The following XPNPEP2 variants were observed in gnomAD, a reference collection of about 807,000 sequenced individuals.
XPNPEP2 encodes the protein X-prolyl aminopeptidase 2.
Under a neutral mutation model 59.8 loss-of-function variants are expected in XPNPEP2, and 64 were observed. The ratio of observed to expected loss-of-function variants is 1.07; its 90% CI spans 0.87 to 1.32. XPNPEP2 has a LOEUF of 1.32. Among genes scored for constraint, XPNPEP2 ranks in the 40% most tolerant of loss-of-function variants. The pLI is 0.00. For synonymous variants in XPNPEP2, 235 were observed against 210.0 expected (o/e 1.12, Z -1.03); for missense variants, 575 against 546.8 (o/e 1.05, Z -0.51).
chrX:129,767,583 C>T lies in XPNPEP2; in HGVS notation c.1741-20C>T. On this transcript the variant is annotated intron_variant, in intron 19 of 20. Transcript: ENST00000371106. ...CTCCCTCACTGTCCTGCTTACCCGG[C>T]TTCTATTCTGGGCTCCCAGTACCCA... 8.3e-7 allele frequency: 1 copy of T among 1,206,944 alleles called. No individual in the cohort carries two copies. Among genetic ancestry groups the T allele is most frequent in the Non-Finnish European group, 1.1e-6 (1 of 891,136 alleles).
intron 19 of XPNPEP2, among the ~76,000 whole-genome samples, chrX:129,766,024 T>C (rs1474484145): frequency 8.9e-6 from 1 of 112,224 alleles, no homozygotes; most frequent in Non-Finnish European, 1.9e-5. Flanking sequence ...CTTTTTCATG[T>C]CCTTTGCCTT....
intron 13 of XPNPEP2, among the ~76,000 whole-genome samples, chrX:129,756,160 A>G (rs1401639645): frequency 1.8e-5 from 2 of 112,427 alleles, no homozygotes; most frequent in African/African-American, 6.5e-5. Context: ...CTTGGCCTCC[A>G]TAGGCCTGCT....
rs145863043 is a variant in XPNPEP2, at chrX:129,756,487, G to A, written c.1299G>A (p.Pro433=). The A allele has an allele frequency of 4.3e-5, 52 of 1,209,212 alleles. No homozygotes were observed. Among genetic ancestry groups the A allele is most frequent in the East Asian group, 8.9e-5 (3 of 33,727 alleles). The part of the protein sequence containing the change: ...GLNAALAHYS[P]TKELNRKLSS... ...CAACATTCTCTCCCCTTCTCAGCCC[G>A]ACCAAGGAGCTGAACCGCAAGCTGT... Residue 433 remains proline, a synonymous_variant, in exon 14 of 21, where the codon CCG becomes CCA. Transcript: ENST00000371106.
intron 3 of XPNPEP2, 76 bp downstream of exon 3, chrX:129,744,147 T>C: frequency 3.2e-6 from 3 of 929,523 alleles, no homozygotes; most frequent in Non-Finnish European, 4.6e-6. Context: ...CTGTTAAAAC[T>C]CAGAAGATGA....
chrX:129,768,744 A>T lies in XPNPEP2; in HGVS notation c.*259A>T, dbSNP rs1490345484. 3.7e-6 allele frequency: 1 copy of T among 272,856 alleles called. No individual in the cohort carries two copies. Among genetic ancestry groups the T allele is most frequent in the East Asian group, 5.6e-5 (1 of 17,701 alleles). 22.5% of individuals were successfully genotyped at this position (272,856 alleles called of 1,213,427 possible). A position where few individuals can be genotyped will look rare whatever the true frequency, so the allele number is the denominator to read the frequency against. On this transcript the variant is annotated 3_prime_UTR_variant, in exon 21 of 21. Coordinates refer to ENST00000371106, the MANE Select transcript of XPNPEP2 (RefSeq NM_003399.6). ...GGCCCCTAATCCCAGGCCCCGAGAT[A>T]GGAAAGCCAGCTAGTCTCTTCTCTT...
intron 2 of XPNPEP2, among the ~76,000 whole-genome samples, chrX:129,743,610 A>G (rs937202192): frequency 8.9e-6 from 1 of 112,444 alleles, no homozygotes; most frequent in Admixed American, 9.3e-5. Flanking sequence ...ACCCCCAGGT[A>G]GCCAAAGAAG....
chrX:129,754,564 C>T lies in XPNPEP2; in HGVS notation c.1200C>T (p.Ile400=), dbSNP rs768702426. The change falls in exon 12 of 21, where the codon ATC becomes ATT. Residue 400 remains isoleucine (I), a synonymous_variant. Transcript: ENST00000371106. ...TGGATGAGTTCTCGGGGGCAGAGATCGTGGACAAGTTCCGAGGGTGAAGAG... is the reference window on the plus strand; with the variant it reads ...TGGATGAGTTCTCGGGGGCAGAGATTGTGGACAAGTTCCGAGGGTGAAGAG... ...GTVDEFSGAE[I]VDKFRGEEQF... is the part of the protein sequence containing the mutation. 1.1e-5 allele frequency: 13 copies of T among 1,184,959 alleles called. No individual in the cohort carries two copies. Among genetic ancestry groups the T allele is most frequent in the East Asian group, 3.1e-5 (1 of 32,603 alleles).
At chrX:129,756,161 T>A (rs1362924390) in intron 13 of XPNPEP2, among the ~76,000 whole-genome samples, 1 of 112,477 alleles carries the variant, frequency 8.9e-6, no homozygotes, top group African/African-American at 3.2e-5. Flanking sequence ...TTGGCCTCCA[T>A]AGGCCTGCTT....
chrX:129,744,567 C>T (rs1166164469), intron 3 of XPNPEP2, among the ~76,000 whole-genome samples: 1 of 111,999 alleles, frequency 8.9e-6, no homozygotes, highest in Non-Finnish European at 1.9e-5. Flanking sequence ...TCCACACCAT[C>T]CACCTTTCCA....
chrX:129,748,900 G>A (rs185407351), intron 7 of XPNPEP2, among the ~76,000 whole-genome samples: 11 of 111,567 alleles, frequency 9.9e-5, no homozygotes, highest in Non-Finnish European at 1.5e-4. Context: ...CCTGGAGCTT[G>A]AGTTTGGAAG....
chrX:129,758,680 G>A (rs1301245076), intron 14 of XPNPEP2, among the ~76,000 whole-genome samples: 1 of 112,373 alleles, frequency 8.9e-6, no homozygotes, highest in Admixed American at 9.4e-5. Context: ...GGCCTCATCT[G>A]TGAACTGGGG....
intron 14 of XPNPEP2, 38 bp downstream of exon 14, chrX:129,756,593 G>C: frequency 2.6e-6 from 3 of 1,172,399 alleles, no homozygotes; most frequent in Non-Finnish European, 3.5e-6. Flanking sequence ...GGATGTCTCT[G>C]CTCAGACCTC....
rs141742526 is a variant in XPNPEP2, at chrX:129,767,803, G to A, written c.1830+111G>A. The A allele has an allele frequency of 3.2e-5, 25 of 771,696 alleles. No homozygotes were observed. The East Asian group carries it at 7.7e-4, about 24-fold the overall frequency. The allele number at this position is 771,696 out of a possible 1,213,427, so 63.6% of individuals were successfully genotyped here. ...CTCCTCCAGGAGGGTCCACACTGGT[G>A]GCACCTGCAGACACACACTGGGGCA... On this transcript the variant is annotated intron_variant, in intron 20 of 20. Transcript: ENST00000371106.
intron 18 of XPNPEP2, among the ~76,000 whole-genome samples, chrX:129,762,347 A>G (rs1190427396): frequency 8.9e-6 from 1 of 111,970 alleles, no homozygotes; most frequent in Non-Finnish European, 1.9e-5. Context: ...CCGTAGACCC[A>G]GCTGTATATT....
chrX:129,756,085 C>G (rs1158315322), intron 13 of XPNPEP2, among the ~76,000 whole-genome samples: 1 of 112,505 alleles, frequency 8.9e-6, no homozygotes, highest in Non-Finnish European at 1.9e-5. Context: ...GACAAAGGGC[C>G]GGAGGGAGCA....
chrX:129,747,707 A>T lies in XPNPEP2; in HGVS notation c.591A>T (p.Pro197=). The T allele has an allele frequency of 1.7e-6, 2 of 1,211,998 alleles. No homozygotes were observed. The highest frequency in any genetic ancestry group is 2.2e-6 in the Non-Finnish European group (2 of 895,575). Reference sequence around the variant, plus strand: ...ACCTGGTATGGGGATCAGAGAGGCCACCGGTTCCAAATCAACCCATTTATG... The same window carrying T: ...ACCTGGTATGGGGATCAGAGAGGCCTCCGGTTCCAAATCAACCCATTTATG... ...LVDLVWGSER[P]PVPNQPIYAL... The change falls in exon 7 of 21, where the codon CCA becomes CCT. Residue 197 remains proline, a synonymous_variant. Transcript: ENST00000371106.
intron 11 of XPNPEP2, among the ~76,000 whole-genome samples, chrX:129,753,453 G>A (rs920781774): frequency 3.6e-5 from 4 of 111,323 alleles, no homozygotes; most frequent in Non-Finnish European, 7.5e-5. Flanking sequence ...GAGCAGCCTG[G>A]CCAACATGGT....
chrX:129,746,341 G>T lies in XPNPEP2; in HGVS notation c.403+1G>T. 8.3e-7 allele frequency: 1 copy of T among 1,204,757 alleles called. No individual in the cohort carries two copies. Among genetic ancestry groups the T allele is most frequent in the Middle Eastern group, 2.3e-4 (1 of 4,298 alleles). On this transcript the variant is annotated splice_donor_variant, in intron 5 of 20. Coordinates refer to ENST00000371106, the MANE Select transcript of XPNPEP2 (RefSeq NM_003399.6). LOFTEE classifies it high-confidence loss of function. ...TGCAACTGGGAGCTCCATAAGGAAG[G>T]TAGAAGGGCCGCATGGATTTGTTCC...
At chrX:129,751,897 T>G in intron 9 of XPNPEP2, 71 bp downstream of exon 9, 2 of 1,068,108 alleles carry the variant, frequency 1.9e-6, no homozygotes, top group Admixed American at 4.4e-5. Flanking sequence ...CCACCACTGA[T>G]CCCGCCTTAA....
Sources: allele counts gnomAD v4.1 joint callset (sites outside exome capture counted in the v4.1 genomes callset), GRCh38; gene constraint gnomAD v4.1.1; transcripts MANE v1.5; gene names NCBI Gene and HGNC (gene_info 2026-07-23, HGNC 2026-07-21).